Variants in ZFYVE28 observed in about 807,000 individuals in gnomAD.
ZFYVE28 encodes zinc finger FYVE-type containing 28.
Under a neutral mutation model 82.1 loss-of-function variants are expected in ZFYVE28, and 40 were observed. The ratio of observed to expected loss-of-function variants is 0.49; its 90% CI spans 0.38 to 0.63. The LOEUF is 0.63. ZFYVE28 is among the 30% of genes least tolerant of loss of function. The pLI, the probability that ZFYVE28 is intolerant of heterozygous loss-of-function variation, is 0.00. For missense variants in ZFYVE28, 1,321 were observed against 1,242.1 expected, an observed-to-expected ratio of 1.06 and a Z score of -0.96; for synonymous variants, 612 against 546.1, an observed-to-expected ratio of 1.12 and a Z score of -1.68.
At chr4:2,387,867 C>T (rs574864861) in intron 1 of ZFYVE28, among the ~76,000 whole-genome samples, 4 of 152,334 alleles carry the variant, frequency 2.6e-5, no homozygotes, top group Admixed American at 1.3e-4. Context: ...CACAGCAAGG[C>T]GATGCCTGGC....
rs1732345369 is a variant in ZFYVE28, at chr4:2,409,986, C to T, written c.39+8299G>A. On this transcript the variant is annotated intron_variant, in intron 1 of 12. Coordinates refer to ENST00000290974, the MANE Select transcript of ZFYVE28 (RefSeq NM_020972.3). The surrounding 1 kb of genome is among the most constrained non-coding windows in gnomAD (Gnocchi z 4.4). ...CCAAGTCAGCTGCCTACGCAGAAAG[C>T]CAAACTCAGGAACCATGGCTCTGGG... is the stretch of plus-strand genomic sequence containing the variant. 6.6e-6 allele frequency among the ~76,000 whole-genome samples: 1 copy of T among 152,246 alleles called. No individual in the cohort carries two copies. Among genetic ancestry groups the T allele is most frequent in the Admixed American group, 6.5e-5 (1 of 15,290 alleles).
At position 2,270,692 on chromosome 4, in the gene ZFYVE28, C is replaced by T; in HGVS notation, c.*33G>A. 1 of 1,611,882 alleles carries T rather than the reference C, an allele frequency of 6.2e-7. No individual in the cohort carries two copies. Among genetic ancestry groups the T allele is most frequent in the Non-Finnish European group, 8.5e-7 (1 of 1,179,410 alleles). On this transcript the variant is annotated 3_prime_UTR_variant, in exon 13 of 13. Transcript: ENST00000290974. ...GCCCCACCTTCCTGGGGGTTCCTGG[C>T]CCGGGTGGGTTGGGGCTGCCCCTGG...
chr4:2,391,948 A>T (rs1231612329), intron 1 of ZFYVE28, among the ~76,000 whole-genome samples: 2 of 151,812 alleles, frequency 1.3e-5, no homozygotes, highest in Non-Finnish European at 2.9e-5. Flanking sequence ...GCTGGTCAGG[A>T]GTTTGAGACC....
chr4:2,398,598 C>T (rs1399224121), intron 1 of ZFYVE28, among the ~76,000 whole-genome samples: 1 of 144,864 alleles, frequency 6.9e-6, no homozygotes, highest in Non-Finnish European at 1.5e-5. Context: ...AAGGTGGAGA[C>T]CGAGATCCAG....
intron 1 of ZFYVE28, among the ~76,000 whole-genome samples, chr4:2,388,732 G>T (rs757982456): frequency 6.6e-5 from 10 of 152,154 alleles, no homozygotes; most frequent in Non-Finnish European, 1.5e-4. Flanking sequence ...CGAGGGCTGG[G>T]TCTAACAGGA....
intron 1 of ZFYVE28, among the ~76,000 whole-genome samples, chr4:2,405,781 C>T (rs557889402): frequency 3.9e-5 from 6 of 152,364 alleles, no homozygotes; most frequent in African/African-American, 1.4e-4. Context: ...GGCGCAGTGG[C>T]TCACGCCTAT....
At chr4:2,317,638 T>C (rs1036734821) in intron 7 of ZFYVE28, among the ~76,000 whole-genome samples, 10 of 152,082 alleles carry the variant, frequency 6.6e-5, no homozygotes, top group African/African-American at 2.4e-4. Flanking sequence ...TTTTGTTTGA[T>C]TGTTTTTTTT....
rs943401789 is a variant in ZFYVE28, at chr4:2,416,049, C to G, written c.39+2236G>C. Among the ~76,000 whole-genome samples the G allele has an allele frequency of 1.3e-5, 2 of 152,194 alleles. No individual in the cohort carries two copies. The highest frequency in any genetic ancestry group is 2.4e-5 in the African/African-American group (1 of 41,438). On this transcript the variant is annotated intron_variant, in intron 1 of 12. Coordinates refer to ENST00000290974, the MANE Select transcript of ZFYVE28 (RefSeq NM_020972.3). This position sits in a 1 kb window ranked among gnomAD's most constrained non-coding sequence, Gnocchi z 4.6. ...GATCCACATCAATCCTGTTCCATCC[C>G]TTCTCCGGAGGCACACAGCTCTGGG...
At chr4:2,270,944 G>C (rs937752536) in intron 12 of ZFYVE28, 88 bp from the exon 13 acceptor site, 2 of 1,526,230 alleles carry the variant, frequency 1.3e-6, no homozygotes, top group Non-Finnish European at 1.8e-6. Context: ...TACCCACCCA[G>C]CTCAGGCCGC....
chr4:2,344,993 C>T (rs911037900), intron 2 of ZFYVE28, among the ~76,000 whole-genome samples: 38 of 152,094 alleles, frequency 2.5e-4, no homozygotes, highest in African/African-American at 8.9e-4. Context: ...GGGTAGATCA[C>T]GAGGTCAGGA....
chr4:2,337,598 A>C, intron 4 of ZFYVE28, 102 bp from the exon 5 acceptor site: 15 of 800,380 alleles, frequency 1.9e-5, no homozygotes, highest in South Asian at 4.1e-5. Context: ...ATGCTGGGCA[A>C]GGTGGGGGCG....
At chr4:2,309,216 T>C (rs1717148000) in intron 7 of ZFYVE28, among the ~76,000 whole-genome samples, 1 of 152,144 alleles carries the variant, frequency 6.6e-6, no homozygotes, top group Non-Finnish European at 1.5e-5. Context: ...TTTGGCCTCT[T>C]TGCACACGCC....
rs1044186391 is a variant in ZFYVE28 at position 2,305,047 on chromosome 4, G to A, written c.1293C>T (p.Ala431=). The A allele has an allele frequency of 2.2e-5, 36 of 1,612,294 alleles. No homozygotes were observed. Among genetic ancestry groups the A allele is most frequent in the South Asian group, 7.7e-5 (7 of 91,044 alleles). ...GPFGWAGSTW[A]DPQEKGQGGP... ...CACCCTGCCCTTTCTCCTGGGGGTC[G>A]GCCCAGGTACTGCCTGCCCACCCAA... is the stretch of plus-strand genomic sequence containing the variant. Residue 431 remains alanine (A), a synonymous_variant, in exon 8 of 13, where the codon GCC becomes GCT. Coordinates refer to ENST00000290974, the MANE Select transcript of ZFYVE28 (RefSeq NM_020972.3).
intron 1 of ZFYVE28, among the ~76,000 whole-genome samples, chr4:2,376,625 C>T (rs1232215970): frequency 3.3e-5 from 5 of 152,154 alleles, no homozygotes; most frequent in African/African-American, 9.7e-5. Flanking sequence ...ACCATCAGAT[C>T]TCCTGAGAAT....
At chr4:2,296,833 G>C (rs1285829468) in intron 8 of ZFYVE28, among the ~76,000 whole-genome samples, 2 of 152,196 alleles carry the variant, frequency 1.3e-5, no homozygotes, top group Non-Finnish European at 2.9e-5. Context: ...CCACTGGGGA[G>C]CCCCCGGATC....
intron 7 of ZFYVE28, among the ~76,000 whole-genome samples, chr4:2,312,129 C>T (rs1034407789): frequency 1.3e-5 from 2 of 152,136 alleles, no homozygotes; most frequent in African/African-American, 4.8e-5. Flanking sequence ...AGGCTGGTCT[C>T]GAACTCCTGG....
chr4:2,345,086 G>C (rs1248519227), intron 2 of ZFYVE28, among the ~76,000 whole-genome samples: 1 of 150,894 alleles, frequency 6.6e-6, no homozygotes, highest in Non-Finnish European at 1.5e-5. Flanking sequence ...TGTAGTCCCA[G>C]CTACTTGGGA....
intron 6 of ZFYVE28, chr4:2,330,372 G>A: frequency 1.0e-6 from 1 of 1,001,166 alleles, no homozygotes; most frequent in Non-Finnish European, 1.2e-6. Flanking sequence ...ATCGCAGAGG[G>A]AGGTACAGCA....
At chr4:2,326,122 G>C (rs759577588) in intron 6 of ZFYVE28, among the ~76,000 whole-genome samples, 1 of 152,172 alleles carries the variant, frequency 6.6e-6, no homozygotes, top group Non-Finnish European at 1.5e-5. Context: ...AATCCAAAAA[G>C]TCACTACCCA....
Sources: gnomAD v4.1 joint callset for allele counts (sites outside exome capture counted in the v4.1 genomes callset) on GRCh38, gnomAD v4.1.1 for gene constraint, Gnocchi (gnomAD v3.1) non-coding constraint, MANE v1.5 for transcripts, NCBI Gene and HGNC (gene_info 2026-07-23, HGNC 2026-07-21) for gene names.